Variants in CDK8 observed in about 807,000 individuals in gnomAD.
CDK8 encodes cyclin dependent kinase 8, also known as cyclin-dependent kinase 8.
In CDK8, 29 loss-of-function variants were observed where a neutral mutation model predicts 71.5. The ratio of observed to expected loss-of-function variants is 0.41; its 90% confidence interval spans 0.30 to 0.55. The LOEUF is 0.55. Among genes scored for constraint, CDK8 ranks in the 20% least tolerant of loss-of-function variants. CDK8 has a pLI of 0.37. For synonymous variants in CDK8, 161 were observed against 192.1 expected, an observed-to-expected ratio of 0.84 and a Z score of 1.34; for missense variants, 288 against 572.6, an observed-to-expected ratio of 0.50 and a Z score of 5.07.
intron 1 of CDK8, among the ~76,000 whole-genome samples, chr13:26,287,128 A>G (rs1416300212): frequency 6.6e-6 from 1 of 152,242 alleles, no homozygotes; most frequent in Non-Finnish European, 1.5e-5. Flanking sequence ...TTGATCCAGC[A>G]ATCCCAGTAC....
chr13:26,319,315 A>G (rs1874653336), intron 1 of CDK8, among the ~76,000 whole-genome samples: 1 of 152,038 alleles, frequency 6.6e-6, no homozygotes, highest in African/African-American at 2.4e-5. Flanking sequence ...TAAAAATACA[A>G]AAAAACAGCT....
intron 4 of CDK8, among the ~76,000 whole-genome samples, chr13:26,367,851 A>G (rs771551225): frequency 6.6e-6 from 1 of 152,210 alleles, no homozygotes; most frequent in Non-Finnish European, 1.5e-5. Context: ...ACAATTGGCA[A>G]TTGGTCCTTA....
At chr13:26,348,371 G>A (rs1010059743) in intron 2 of CDK8, among the ~76,000 whole-genome samples, 2 of 152,212 alleles carry the variant, frequency 1.3e-5, no homozygotes, top group African/African-American at 4.8e-5. Flanking sequence ...ACAGGCAAGC[G>A]AGCATTACCA....
At chr13:26,314,587 G>A (rs993129116) in intron 1 of CDK8, among the ~76,000 whole-genome samples, 1 of 152,170 alleles carries the variant, frequency 6.6e-6, no homozygotes, top group African/African-American at 2.4e-5. Context: ...AGGTGTATAT[G>A]TATGTTTTCA....
At chr13:26,384,064 A>G (rs1054534585) in intron 5 of CDK8, among the ~76,000 whole-genome samples, 1 of 152,228 alleles carries the variant, frequency 6.6e-6, no homozygotes, top group Non-Finnish European at 1.5e-5. Flanking sequence ...TAATTTAGGG[A>G]AAATTTATGT....
intron 4 of CDK8, among the ~76,000 whole-genome samples, chr13:26,363,331 A>AAAAAAAAAAAAAG: frequency 6.7e-6 from 1 of 148,872 alleles, no homozygotes; most frequent in Non-Finnish European, 1.5e-5. Flanking sequence ...CCATCTCAAA[A>AAAAAAAAAAAAAG]AAAAAAAAAA....
chr13:26,314,671 AG>A (rs1874429854), intron 1 of CDK8, among the ~76,000 whole-genome samples: 1 of 152,212 alleles, frequency 6.6e-6, no homozygotes, highest in Non-Finnish European at 1.5e-5. Flanking sequence ...GCAAGTCCAG[AG>A]GCGTGTAATA....
intron 2 of CDK8, among the ~76,000 whole-genome samples, chr13:26,339,043 A>C (rs2137975790): frequency 6.6e-6 from 1 of 152,248 alleles, no homozygotes; most frequent in East Asian, 1.9e-4. Context: ...CTATAAATGC[A>C]CTTAAATACA....
At chr13:26,378,770 C>CT (rs1875075060) in intron 4 of CDK8, among the ~76,000 whole-genome samples, 1 of 152,200 alleles carries the variant, frequency 6.6e-6, no homozygotes, top group Non-Finnish European at 1.5e-5. Context: ...AAAGTTACCT[C>CT]TAATCACTTC....
chr13:26,340,835 T>C (rs552723066), intron 2 of CDK8, among the ~76,000 whole-genome samples: 1 of 152,310 alleles, frequency 6.6e-6, no homozygotes, highest in Non-Finnish European at 1.5e-5. Flanking sequence ...TGGTGTATAG[T>C]CCTTGCTCTG....
At chr13:26,311,199 C>T (rs1874270265) in intron 1 of CDK8, among the ~76,000 whole-genome samples, 1 of 152,108 alleles carries the variant, frequency 6.6e-6, no homozygotes, top group Non-Finnish European at 1.5e-5. Context: ...GGCCACCTAG[C>T]AGTGATTTTT....
intron 1 of CDK8, among the ~76,000 whole-genome samples, chr13:26,323,334 A>AGAGAGGGAGAGGGAGAGG (rs57361188): frequency 3.9e-5 from 5 of 127,424 alleles, no homozygotes; most frequent in Middle Eastern, 4.2e-3. Flanking sequence ...AGAGGGAGAG[A>AGAGAGGGAGAGGGAGAGG]GAGAGGGAGA....
chr13:26,383,255 A>C (rs1875317267), intron 5 of CDK8, among the ~76,000 whole-genome samples: 2 of 152,250 alleles, frequency 1.3e-5, no homozygotes. Flanking sequence ...AGATGAGCAC[A>C]TATGCCTCTG....
chr13:26,356,907 C>G (rs1873922470), intron 4 of CDK8, among the ~76,000 whole-genome samples: 1 of 152,168 alleles, frequency 6.6e-6, no homozygotes, highest in South Asian at 2.1e-4. Flanking sequence ...CCTTAACTCT[C>G]TTCATAGATT....
intron 6 of CDK8, among the ~76,000 whole-genome samples, chr13:26,387,379 T>A (rs1431757551): frequency 1.3e-5 from 2 of 152,188 alleles, no homozygotes; most frequent in East Asian, 3.9e-4. Context: ...CTAAAACTGC[T>A]TGAGAACTTT....
rs189637995 is a variant in CDK8 at position 26,322,947 on chromosome 13, G to A, written c.129-14620G>A. Among the ~76,000 whole-genome samples, 183 of 152,048 alleles carry A rather than the reference G, an allele frequency of 1.2e-3. 1 individual carries two copies. The highest frequency in any genetic ancestry group is 4.1e-3 in the African/African-American group (171 of 41,470). On this transcript the variant is annotated intron_variant, in intron 1 of 12. Coordinates refer to ENST00000381527, the MANE Select transcript of CDK8 (RefSeq NM_001260.3). ...ATAATTTTTTTTCTACAGAATTTTG[G>A]GAATCCCTAATTTTGTATTTAGATA...
chr13:26,315,372 A>C (rs984191802), intron 1 of CDK8, among the ~76,000 whole-genome samples: 5 of 152,188 alleles, frequency 3.3e-5, no homozygotes, highest in Non-Finnish European at 5.9e-5. Context: ...GTCTCTGTTC[A>C]TTGCCAGATC....
intron 1 of CDK8, among the ~76,000 whole-genome samples, chr13:26,283,148 A>T (rs963970486): frequency 2.6e-5 from 4 of 152,260 alleles, no homozygotes; most frequent in African/African-American, 9.6e-5. Context: ...GGTCATCAAG[A>T]CAGAAAGTCA....
intron 1 of CDK8, among the ~76,000 whole-genome samples, chr13:26,319,863 A>C (rs1225090921): frequency 1.3e-5 from 2 of 152,178 alleles, no homozygotes; most frequent in South Asian, 2.1e-4. Context: ...TACTGGCATA[A>C]AGTCAGAAAT....
Sources: gnomAD v4.1 joint callset for allele counts (sites outside exome capture counted in the v4.1 genomes callset) on GRCh38, gnomAD v4.1.1 for gene constraint, MANE v1.5 for transcripts, NCBI Gene and HGNC (gene_info 2026-07-23, HGNC 2026-07-21) for gene names.